The following RBM43 variants were observed in gnomAD, a reference collection of about 807,000 sequenced individuals.
The protein encoded by RBM43 is RNA binding motif protein 43.
A neutral mutation model predicts 12.4 loss-of-function variants in RBM43; 12 were observed. The observed-to-expected ratio is 0.97, with a 90% CI of 0.62 to 1.57. The LOEUF (loss-of-function observed/expected upper bound fraction) is 1.57. RBM43 is among the 40% of genes most tolerant of loss of function. The pLI, the probability that RBM43 is intolerant of heterozygous loss-of-function variation, is 0.00. For missense variants in RBM43, 348 were observed against 400.1 expected, an observed-to-expected ratio of 0.87 and a Z score of 1.11; for synonymous variants, 138 against 145.7, an observed-to-expected ratio of 0.95 and a Z score of 0.38.
At chr2:151,254,984 T>C (rs764823879) in intron 2 of RBM43, among the ~76,000 whole-genome samples, 1 of 152,172 alleles carries the variant, frequency 6.6e-6, no homozygotes, top group East Asian at 1.9e-4. Flanking sequence ...CCCCAAGATA[T>C]AGACAGATTC....
chr2:151,261,118 CT>C (rs1683040089), intron 1 of RBM43: 1 of 1,061,054 alleles, frequency 9.4e-7, no homozygotes, highest in East Asian at 2.6e-5. Context: ...AATTAAAGGC[CT>C]TGCCAAGGCT....
At chr2:151,258,575 T>C (rs1192060855) in intron 1 of RBM43, among the ~76,000 whole-genome samples, 2 of 151,850 alleles carry the variant, frequency 1.3e-5, no homozygotes, top group African/African-American at 4.8e-5. Context: ...TGCACACCTA[T>C]AGTCCCAGCT....
chr2:151,251,371 C>T lies in RBM43; in HGVS notation c.609G>A (p.Leu203=). The change falls in exon 4 of 4, where the codon TTG becomes TTA. Residue 203 remains leucine (L), a synonymous_variant. Transcript: ENST00000331426. ...QRNLQRSNNS[L]ASVRTLVPET... ...CAGGTACTAAGGTCCTGACTGATGC[C>T]AAAGAGTTATTACTTCTCTGTAGAT... 5 of 1,614,130 alleles carry T rather than the reference C, an allele frequency of 3.1e-6. No individual in the cohort carries two copies. The highest frequency in any genetic ancestry group is 4.2e-6 in the Non-Finnish European group (5 of 1,179,984).
intron 1 of RBM43, 158 bp downstream of exon 1, chr2:151,261,566 CG>C: frequency 6.5e-7 from 1 of 1,541,164 alleles, no homozygotes; most frequent in East Asian, 2.5e-5. Context: ...GACGGCTCTC[CG>C]GGGCCCCCGG....
intron 1 of RBM43, among the ~76,000 whole-genome samples, chr2:151,257,099 A>G (rs1049047746): frequency 2.6e-5 from 4 of 152,078 alleles, no homozygotes; most frequent in African/African-American, 4.8e-5. Context: ...GCTTCTCCCA[A>G]TTTTTAAACA....
Position 151,250,241 on chromosome 2 carries a change from C to T in RBM43, c.*665G>A, listed in dbSNP as rs1465584789. On this transcript the variant is annotated 3_prime_UTR_variant, in exon 4 of 4. Transcript: ENST00000331426. ...TCAAATTTCTCATATGTTAAGGCTA[C>T]TTCTTAATAATTATTATTCTCTAAT... 1 of 152,148 alleles carries T rather than the reference C, an allele frequency of 6.6e-6. No homozygotes were observed. 9.4% of individuals were successfully genotyped at this position (152,148 alleles called of 1,614,324 possible). A position where few individuals can be genotyped will look rare whatever the true frequency, so the allele number is the denominator to read the frequency against.
intron 1 of RBM43, among the ~76,000 whole-genome samples, chr2:151,260,776 T>TA (rs1232196326): frequency 6.6e-6 from 1 of 152,184 alleles, no homozygotes; most frequent in Non-Finnish European, 1.5e-5. Flanking sequence ...ACGATTAAGA[T>TA]AAAGAAATGC....
chr2:151,251,639 AG>A lies in RBM43; in HGVS notation c.340del (p.Asp115IlefsTer11). The stretch of plus-strand genomic sequence containing the variant: ...TTCTTTTCCAAAAACAGAAAGATCA[AG>A]GATGGCATTTACAGAGCTGAAGATC... ...DKIFSSVNAI[L>X]DLSVFGKEVT... On this transcript the variant is annotated frameshift_variant, in exon 4 of 4. Coordinates refer to ENST00000331426, the MANE Select transcript of RBM43 (RefSeq NM_198557.3). LOFTEE classifies it low-confidence loss of function (END_TRUNC). 3.7e-6 allele frequency: 6 copies of A among 1,612,524 alleles called. No homozygotes were observed. The South Asian group carries it at 6.6e-5, about 18-fold the overall frequency.
At chr2:151,255,501 TC>T (rs757853179) in intron 2 of RBM43, 31 bp downstream of exon 2, 132 of 1,395,194 alleles carry the variant, frequency 9.5e-5, no homozygotes, top group Non-Finnish European at 1.3e-4. Context: ...AAGAAGTATT[TC>T]TAAAATTACA....
intron 3 of RBM43, 125 bp downstream of exon 3, chr2:151,252,630 G>A: frequency 1.7e-6 from 1 of 578,524 alleles, no homozygotes; most frequent in South Asian, 2.9e-5. Flanking sequence ...ACTGACTCAG[G>A]GAGTTTGCAT....
At position 151,251,165 on chromosome 2, in the gene RBM43, T is replaced by C. The variant is rs113578236; in HGVS notation, c.815A>G (p.Asn272Ser). Residue 272 changes from asparagine to serine, a missense_variant, in exon 4 of 4, where the codon AAT becomes AGT. Transcript: ENST00000331426. ...AATGAGCTCTTTTACATGTTTTGCA[T>C]TGTTTGGCTGAGAACCAACTTGAAT... ...KSIQVGSQPN[N>S]AKHVKELIEE... The C allele has an allele frequency of 9.4e-5, 152 of 1,614,078 alleles. 1 individual carries two copies. The South Asian group carries it at 1.3e-3, about 14-fold the overall frequency.
At chr2:151,261,617 AGCCCT>A in intron 1 of RBM43, 103 bp downstream of exon 1, 1 of 1,541,810 alleles carries the variant, frequency 6.5e-7, no homozygotes, top group Non-Finnish European at 8.7e-7. Context: ...CCTCCCGCGC[AGCCCT>A]GCACCCTGGC....
chr2:151,261,555 G>A, intron 1 of RBM43, 170 bp downstream of exon 1: 1 of 1,543,820 alleles, frequency 6.5e-7, no homozygotes, highest in Non-Finnish European at 8.7e-7. Context: ...CCGCCGGGGT[G>A]GACGGCTCTC....
At chr2:151,257,966 G>A (rs1336920471) in intron 1 of RBM43, among the ~76,000 whole-genome samples, 1 of 152,096 alleles carries the variant, frequency 6.6e-6, no homozygotes, top group Non-Finnish European at 1.5e-5. Flanking sequence ...CTACTCAGGA[G>A]GCTGAGGCAA....
At position 151,261,820 on chromosome 2, in the gene RBM43, T is replaced by C. The variant is rs1683052382; in HGVS notation, c.-93A>G. On this transcript the variant is annotated 5_prime_UTR_variant, in exon 1 of 4. Transcript: ENST00000331426. ...AGAGGAGCGAGCAGGCAGGTTTTGG[T>C]TTCGTTTTTTGTTCCAGCTCCCTTG... 1.4e-6 allele frequency: 2 copies of C among 1,408,616 alleles called. No homozygotes were observed. Among genetic ancestry groups the C allele is most frequent in the East Asian group, 5.0e-5 (2 of 39,658 alleles). 87.3% of individuals were successfully genotyped at this position (1,408,616 alleles called of 1,614,324 possible). A position where few individuals can be genotyped will look rare whatever the true frequency, so the allele number is the denominator to read the frequency against.
At chr2:151,257,907 T>C (rs984931899) in intron 1 of RBM43, among the ~76,000 whole-genome samples, 3 of 150,946 alleles carry the variant, frequency 2.0e-5, no homozygotes, top group Non-Finnish European at 3.0e-5. Context: ...CCGTCTCTAC[T>C]AAAAATACAA....
intron 1 of RBM43, among the ~76,000 whole-genome samples, chr2:151,258,634 G>T (rs372746578): frequency 1.3e-5 from 2 of 152,072 alleles, no homozygotes; most frequent in African/African-American, 4.8e-5. Flanking sequence ...ACAGGAGATC[G>T]AGGCTGCAGT....
rs55775354 is a variant in RBM43, at chr2:151,261,757, G to A, written c.-30C>T. 701,833 of 1,594,528 alleles carry A rather than the reference G, an allele frequency of 0.44. 162,472 individuals carry two copies. The highest frequency in any genetic ancestry group is 0.58 in the Admixed American group (32,547 of 56,580). On this transcript the variant is annotated 5_prime_UTR_variant, in exon 1 of 4. Coordinates refer to ENST00000331426, the MANE Select transcript of RBM43 (RefSeq NM_198557.3). ...GAGGGGAGACGCGCCCTCAGCGGCC[G>A]CAGAAAGCCCACAACCAGCGGAACG... is the stretch of plus-strand genomic sequence containing the variant.
In RBM43 at chr2:151,261,196, T is replaced by A. The variant is rs148860780; in HGVS notation, c.3+529A>T. The stretch of plus-strand genomic sequence containing the variant: ...AATTTTGAATTTGCTAAGACAAGAA[T>A]TCGCACCAAGGCAGACATAAGACAT... On this transcript the variant is annotated intron_variant, in intron 1 of 3. Transcript: ENST00000331426. 15 of 1,490,100 alleles carry A rather than the reference T, an allele frequency of 1.0e-5. No homozygotes were observed. The African/African-American group carries it at 1.3e-4, about 13-fold the overall frequency. 92.3% of individuals were successfully genotyped at this position (1,490,100 alleles called of 1,614,324 possible).
Sources: gnomAD v4.1 joint callset for allele counts (sites outside exome capture counted in the v4.1 genomes callset) on GRCh38, gnomAD v4.1.1 for gene constraint, MANE v1.5 for transcripts, NCBI Gene and HGNC (gene_info 2026-07-23, HGNC 2026-07-21) for gene names.